The following RERE variants were observed in gnomAD, a reference collection of about 807,000 sequenced individuals.
RERE encodes arginine-glutamic acid dipeptide repeats.
A neutral mutation model predicts 146.1 loss-of-function variants in RERE; 40 were observed. That is an observed-to-expected ratio of 0.27 (90% CI 0.21 to 0.36). RERE has a LOEUF of 0.36. Ranked by LOEUF, RERE falls within the 10% of genes least tolerant of loss-of-function variation. RERE has a pLI of 1.00. For missense variants in RERE, 1,933 were observed against 2,138.7 expected (o/e 0.90, Z 1.90); for synonymous variants, 1,003 against 866.0 (o/e 1.16, Z -2.78).
intron 7 of RERE, among the ~76,000 whole-genome samples, chr1:8,538,480 T>G (rs1286415241): frequency 6.6e-6 from 1 of 152,176 alleles, no homozygotes; most frequent in African/African-American, 2.4e-5. Flanking sequence ...AGATGCATTT[T>G]TGGATCATTT....
chr1:8,557,607 TA>T (rs1646022796), intron 4 of RERE, 84 bp from the exon 5 acceptor site: 1 of 836,960 alleles, frequency 1.2e-6, no homozygotes, highest in Non-Finnish European at 2.1e-6. Flanking sequence ...AAAGCCCCTG[TA>T]AACGGGTGGA....
chr1:8,773,819 A>G lies in RERE; in HGVS notation c.-145+43341T>C, dbSNP rs542816228. 3.9e-5 allele frequency among the ~76,000 whole-genome samples: 6 copies of G among 152,270 alleles called. No individual in the cohort carries two copies. The South Asian group carries it at 1.2e-3, about 32-fold the overall frequency. On this transcript the variant is annotated intron_variant, in intron 1 of 22. Transcript: ENST00000400908. ...AGCCTGGGCGACAGAGCGAGACTCCATCTCAGAAAAAAGTTACATCTAAAG... is the reference window on the plus strand; with the variant it reads ...AGCCTGGGCGACAGAGCGAGACTCCGTCTCAGAAAAAAGTTACATCTAAAG...
chr1:8,441,151 C>T (rs1644242716), intron 11 of RERE, among the ~76,000 whole-genome samples: 1 of 152,120 alleles, frequency 6.6e-6, no homozygotes, highest in Non-Finnish European at 1.5e-5. Context: ...AGCTAGCCCT[C>T]GTCACACCAC....
At chr1:8,792,948 G>T (rs989165761) in intron 1 of RERE, among the ~76,000 whole-genome samples, 14 of 152,036 alleles carry the variant, frequency 9.2e-5, no homozygotes, top group African/African-American at 3.4e-4. Flanking sequence ...CTTGAGGTCA[G>T]GAGTTCGAGA....
intron 1 of RERE, among the ~76,000 whole-genome samples, chr1:8,665,981 G>A (rs1570584106): frequency 6.6e-6 from 1 of 152,254 alleles, no homozygotes; most frequent in East Asian, 1.9e-4. Context: ...GAGAGGCTGA[G>A]CAAGTTGACC....
At position 8,428,824 on chromosome 1, in the gene RERE, G is replaced by A. The variant is rs1043317110; in HGVS notation, c.1204-6017C>T. 1.1e-4 allele frequency among the ~76,000 whole-genome samples: 16 copies of A among 152,204 alleles called. No homozygotes were observed. In the South Asian group the frequency reaches 2.9e-3, roughly 28 times the overall value. ...ATAACATAAAAATAAAAATAACCACGTCAAAATGCATTAAATTAATGTGTT... is the reference window on the plus strand; with the variant it reads ...ATAACATAAAAATAAAAATAACCACATCAAAATGCATTAAATTAATGTGTT... On this transcript the variant is annotated intron_variant, in intron 11 of 22. Transcript: ENST00000400908.
chr1:8,379,502 T>C (rs1642372005), intron 12 of RERE, among the ~76,000 whole-genome samples: 1 of 151,950 alleles, frequency 6.6e-6, no homozygotes, highest in Non-Finnish European at 1.5e-5. Context: ...GGGGTTCGGG[T>C]GTAATTTATG....
intron 12 of RERE, among the ~76,000 whole-genome samples, chr1:8,388,555 A>G (rs548723750): frequency 1.9e-4 from 29 of 151,720 alleles, no homozygotes; most frequent in Admixed American, 9.8e-4. Flanking sequence ...TCCTGACCTC[A>G]TGATCCGCCC....
At chr1:8,500,769 G>A (rs1248391414) in intron 8 of RERE, among the ~76,000 whole-genome samples, 24 of 151,566 alleles carry the variant, frequency 1.6e-4, no homozygotes, top group African/African-American at 5.1e-4. Flanking sequence ...AGCGAGGAGC[G>A]CCTCTTCCCC....
chr1:8,691,023 G>A (rs1639195378), intron 1 of RERE, among the ~76,000 whole-genome samples: 1 of 152,014 alleles, frequency 6.6e-6, no homozygotes, highest in Non-Finnish European at 1.5e-5. Flanking sequence ...TCAGCCTCCT[G>A]AGTAGCTGGG....
intron 2 of RERE, among the ~76,000 whole-genome samples, chr1:8,635,369 T>C (rs72855852): frequency 0.016 from 2,417 of 152,316 alleles, 74 homozygotes; most frequent in African/African-American, 0.055. Context: ...TAATCAAAAT[T>C]AGCACAGATT....
At chr1:8,409,061 A>C (rs146043983) in intron 12 of RERE, among the ~76,000 whole-genome samples, 179 of 152,342 alleles carry the variant, frequency 1.2e-3, no homozygotes, top group African/African-American at 4.2e-3. Flanking sequence ...AGCCAGAAAG[A>C]ACTGTCTTCT....
intron 7 of RERE, among the ~76,000 whole-genome samples, chr1:8,509,701 A>G (rs1185121676): frequency 6.6e-6 from 1 of 152,124 alleles, no homozygotes; most frequent in East Asian, 1.9e-4. Flanking sequence ...CCAGTTACTC[A>G]AGAGGATCGC....
intron 1 of RERE, chr1:8,786,523 T>C: frequency 1.3e-6 from 1 of 790,446 alleles, no homozygotes; most frequent in South Asian, 1.3e-5. Context: ...CCATGTAATA[T>C]ATGGCTCTAC....
chr1:8,513,599 T>C (rs894690993), intron 7 of RERE, among the ~76,000 whole-genome samples: 4 of 152,048 alleles, frequency 2.6e-5, no homozygotes, highest in Admixed American at 1.3e-4. Flanking sequence ...GCCAACATAG[T>C]GAAACCCTGT....
intron 11 of RERE, among the ~76,000 whole-genome samples, chr1:8,432,455 A>C (rs1273763649): frequency 6.6e-6 from 1 of 152,132 alleles, no homozygotes; most frequent in Non-Finnish European, 1.5e-5. Flanking sequence ...TGAGTGAACA[A>C]GGAGCACAGC....
intron 12 of RERE, among the ~76,000 whole-genome samples, chr1:8,410,166 A>G (rs553275908): frequency 6.6e-6 from 1 of 152,066 alleles, no homozygotes; most frequent in South Asian, 2.1e-4. Context: ...ATGCATGCAT[A>G]CCTGCCTGCC....
chr1:8,705,179 G>A (rs1639533577), intron 1 of RERE, among the ~76,000 whole-genome samples: 1 of 152,210 alleles, frequency 6.6e-6, no homozygotes, highest in South Asian at 2.1e-4. Flanking sequence ...CTGGTGAGAA[G>A]AAGCAAACCG....
At chr1:8,401,364 C>T (rs1471491011) in intron 12 of RERE, among the ~76,000 whole-genome samples, 1 of 151,882 alleles carries the variant, frequency 6.6e-6, no homozygotes, top group Non-Finnish European at 1.5e-5. Flanking sequence ...ATCGCTTGAA[C>T]CCGGGAGGTG....
Sources: gnomAD v4.1 joint callset for allele counts (sites outside exome capture counted in the v4.1 genomes callset) on GRCh38, gnomAD v4.1.1 for gene constraint, MANE v1.5 for transcripts, NCBI Gene and HGNC (gene_info 2026-07-23, HGNC 2026-07-21) for gene names.